The following COL15A1 variants were observed in gnomAD, a reference collection of about 807,000 sequenced individuals.
COL15A1 encodes collagen type XV alpha 1 chain.
A neutral mutation model predicts 165.9 loss-of-function variants in COL15A1; 111 were observed. That is an observed-to-expected ratio of 0.67 (90% CI 0.57 to 0.78). COL15A1 has a LOEUF of 0.78. COL15A1 is among the 30% of genes least tolerant of loss of function. COL15A1 has a pLI of 0.00. For synonymous variants in COL15A1, 659 were observed against 674.8 expected, an observed-to-expected ratio of 0.98 and a Z score of 0.36; for missense variants, 1,745 against 1,789.7, an observed-to-expected ratio of 0.98 and a Z score of 0.45.
At chr9:98,982,709 A>G (rs1054840180) in intron 2 of COL15A1, among the ~76,000 whole-genome samples, 1 of 151,658 alleles carries the variant, frequency 6.6e-6, no homozygotes, top group African/African-American at 2.4e-5. Context: ...TGGCATGATC[A>G]TGGCTCACTG....
At chr9:99,069,412 G>T (rs1432650382) in intron 41 of COL15A1, among the ~76,000 whole-genome samples, 1 of 152,130 alleles carries the variant, frequency 6.6e-6, no homozygotes, top group Non-Finnish European at 1.5e-5. Context: ...TGAAAGAGAA[G>T]CCCTCCAGAC....
chr9:99,049,141 C>CTCCTGCCTCTAGGCTT (rs1839542284), intron 28 of COL15A1, among the ~76,000 whole-genome samples: 1 of 152,216 alleles, frequency 6.6e-6, no homozygotes, highest in East Asian at 1.9e-4. Context: ...CTGCTGCAAG[C>CTCCTGCCTCTAGGCTT]TCCTGCCTCT....
At chr9:99,032,957 A>T (rs896605633) in intron 16 of COL15A1, among the ~76,000 whole-genome samples, 4 of 152,126 alleles carry the variant, frequency 2.6e-5, no homozygotes, top group Non-Finnish European at 5.9e-5. Flanking sequence ...TTTCTCTGTG[A>T]GAATGTGTGT....
intron 2 of COL15A1, among the ~76,000 whole-genome samples, chr9:98,969,309 A>C (rs754803952): frequency 1.3e-5 from 2 of 152,140 alleles, no homozygotes; most frequent in Non-Finnish European, 2.9e-5. Context: ...TCAGTGTTTT[A>C]TGTCTATTAT....
Position 99,055,314 on chromosome 9 carries a change from T to A in COL15A1, c.3134T>A (p.Ile1045Asn), listed in dbSNP as rs552357251. The A allele has an allele frequency of 1.7e-5, 28 of 1,614,012 alleles. No individual in the cohort carries two copies. The South Asian group carries it at 3.0e-4, about 17-fold the overall frequency. Residue 1045 changes from isoleucine (I) to asparagine (N), a missense_variant, in exon 34 of 42, where the codon ATT (isoleucine) becomes AAT (asparagine). Coordinates refer to ENST00000375001, the MANE Select transcript of COL15A1 (RefSeq NM_001855.5). ...GGTGAAAAAGGAGAAAAAGGAGACA[T>A]TAATGGCAGCTTCCTTATGTCTGGG... is the stretch of plus-strand genomic sequence containing the variant. ...FKGEKGEKGD[I>N]NGSFLMSGPP...
At chr9:99,065,532 G>T (rs1031168965) in intron 39 of COL15A1, among the ~76,000 whole-genome samples, 1 of 151,668 alleles carries the variant, frequency 6.6e-6, no homozygotes. Context: ...GCATGCTAAA[G>T]CTCCCTCTTA....
At chr9:98,967,743 C>A (rs937469001) in intron 2 of COL15A1, among the ~76,000 whole-genome samples, 1 of 152,202 alleles carries the variant, frequency 6.6e-6, no homozygotes, top group Non-Finnish European at 1.5e-5. Context: ...CTGCACCAGA[C>A]GTCTGTGCTG....
chr9:99,000,146 C>T (rs552096017), intron 6 of COL15A1, among the ~76,000 whole-genome samples: 26 of 152,234 alleles, frequency 1.7e-4, no homozygotes, highest in African/African-American at 5.1e-4. Context: ...GCTGGGATTC[C>T]GGGCTGCTTT....
chr9:99,046,761 CA>C (rs1839497721), intron 26 of COL15A1, among the ~76,000 whole-genome samples: 1 of 152,222 alleles, frequency 6.6e-6, no homozygotes, highest in Admixed American at 6.5e-5. Flanking sequence ...TGTGGAATTA[CA>C]ATTCAAGAAG....
chr9:98,999,017 C>CCT (rs949115429), intron 6 of COL15A1, among the ~76,000 whole-genome samples: 64 of 152,354 alleles, frequency 4.2e-4, no homozygotes, highest in African/African-American at 1.5e-3. Flanking sequence ...CCTTGGAGGA[C>CCT]AGGCAATCGG....
intron 26 of COL15A1, among the ~76,000 whole-genome samples, chr9:99,045,548 T>G (rs562040164): frequency 1.3e-5 from 2 of 152,354 alleles, no homozygotes; most frequent in East Asian, 3.9e-4. Flanking sequence ...CTTACTTCCC[T>G]GTGTAGAACA....
At chr9:98,978,593 AAATC>A (rs1838182501) in intron 2 of COL15A1, among the ~76,000 whole-genome samples, 1 of 152,208 alleles carries the variant, frequency 6.6e-6, no homozygotes, top group Non-Finnish European at 1.5e-5. Context: ...GAAAGAAAAG[AAATC>A]TCAGTGGGAT....
chr9:99,000,286 G>A (rs1323815766), intron 6 of COL15A1, among the ~76,000 whole-genome samples: 1 of 151,906 alleles, frequency 6.6e-6, no homozygotes, highest in East Asian at 1.9e-4. Flanking sequence ...AAACACTGTG[G>A]TTTAGCCAAG....
intron 2 of COL15A1, among the ~76,000 whole-genome samples, chr9:98,981,638 G>A (rs922283934): frequency 6.6e-6 from 1 of 152,128 alleles, no homozygotes; most frequent in Non-Finnish European, 1.5e-5. Context: ...AACACGTATC[G>A]AGTGGACATA....
At position 99,070,009 on chromosome 9, in the gene COL15A1, C is replaced by A; in HGVS notation, c.*123C>A. The A allele has an allele frequency of 2.7e-6, 2 of 746,220 alleles. No homozygotes were observed. The highest frequency in any genetic ancestry group is 1.8e-5 in the African/African-American group (1 of 55,134). The allele number at this position is 746,220 out of a possible 1,614,324, so 46.2% of individuals were successfully genotyped here. A position where few individuals can be genotyped will look rare whatever the true frequency, so the allele number is the denominator to read the frequency against. On this transcript the variant is annotated 3_prime_UTR_variant, in exon 42 of 42. Coordinates refer to ENST00000375001, the MANE Select transcript of COL15A1 (RefSeq NM_001855.5). ...TTTTTTTTTTACTACATATTCTTTA[C>A]AACAGCAACCAAAGAAAACATACCT...
At chr9:99,023,299 G>T (rs1306727367) in intron 13 of COL15A1, 58 bp from the exon 14 acceptor site, 21 of 1,534,836 alleles carry the variant, frequency 1.4e-5, no homozygotes, top group Non-Finnish European at 1.8e-5. Flanking sequence ...TCAGTGACGT[G>T]GCTGTCCTTG....
chr9:98,998,648 T>C (rs1286832362), intron 6 of COL15A1, among the ~76,000 whole-genome samples: 1 of 152,190 alleles, frequency 6.6e-6, no homozygotes, highest in East Asian at 1.9e-4. Flanking sequence ...GGCTTCTGAA[T>C]TGCGAATGCT....
chr9:99,027,911 T>G (rs987003690), intron 16 of COL15A1, among the ~76,000 whole-genome samples: 11 of 152,218 alleles, frequency 7.2e-5, no homozygotes, highest in African/African-American at 2.2e-4. Flanking sequence ...ATATTCAGTA[T>G]GTAAAATAAC....
intron 2 of COL15A1, among the ~76,000 whole-genome samples, chr9:98,956,508 C>T (rs547929128): frequency 2.0e-5 from 3 of 152,070 alleles, no homozygotes; most frequent in Non-Finnish European, 4.4e-5. Flanking sequence ...ATATAATATA[C>T]ATTTTATATG....
Sources: gnomAD v4.1 joint callset for allele counts (sites outside exome capture counted in the v4.1 genomes callset) on GRCh38, gnomAD v4.1.1 for gene constraint, MANE v1.5 for transcripts, NCBI Gene and HGNC (gene_info 2026-07-23, HGNC 2026-07-21) for gene names.